The following ST3GAL2 variants were observed in gnomAD, a reference collection of about 807,000 sequenced individuals.
ST3GAL2 encodes the protein CMP-N-acetylneuraminate-beta-galactosamide-alpha-2,3-sialyltransferase 2.
ST3GAL2 carries 16 observed loss-of-function variants against 37.5 expected under a neutral mutation model. That is an observed-to-expected ratio of 0.43 (90% CI 0.29 to 0.65). The LOEUF (loss-of-function observed/expected upper bound fraction) is 0.65. ST3GAL2 is among the 30% of genes least tolerant of loss of function. The pLI is 0.17. For synonymous variants in ST3GAL2, 238 were observed against 202.9 expected, an observed-to-expected ratio of 1.17 and a Z score of -1.47; for missense variants, 383 against 487.8, an observed-to-expected ratio of 0.79 and a Z score of 2.02.
In ST3GAL2 at chr16:70,376,756, T is replaced by G. The variant is rs940913622; in HGVS notation, c.*4933A>C. 1 of 152,140 alleles carries G rather than the reference T, an allele frequency of 6.6e-6. No individual in the cohort carries two copies. Among genetic ancestry groups the G allele is most frequent in the African/African-American group, 2.4e-5 (1 of 41,438 alleles). 9.4% of individuals were successfully genotyped at this position (152,140 alleles called of 1,614,324 possible). ...TGTGGATGGGTAAAATACTTTTTTT[T>G]TTTTGAGACGGAGTCTTACTCTGTC... On this transcript the variant is annotated 3_prime_UTR_variant, in exon 7 of 7. Transcript: ENST00000342907.
In ST3GAL2 at chr16:70,434,760, G is replaced by A. The variant is rs550021156; in HGVS notation, c.-1004+4189C>T. Among the ~76,000 whole-genome samples, 3 of 152,328 alleles carry A rather than the reference G, an allele frequency of 2.0e-5. No homozygotes were observed. The East Asian group carries it at 5.8e-4, about 29-fold the overall frequency. On this transcript the variant is annotated intron_variant, in intron 1 of 6. Transcript: ENST00000342907. ...ACAGCAGCCATAATTCAGGCTATTA[G>A]CAGCAACTGGTTTAGCAGCCACTCC...
intron 1 of ST3GAL2, among the ~76,000 whole-genome samples, chr16:70,426,456 T>G (rs909958901): frequency 6.6e-6 from 1 of 151,786 alleles, no homozygotes; most frequent in Admixed American, 6.6e-5. Context: ...TGCCTCGGCC[T>G]CCCAAAGTGC....
intron 1 of ST3GAL2, among the ~76,000 whole-genome samples, chr16:70,426,773 G>A (rs1226298178): frequency 6.6e-6 from 1 of 152,182 alleles, no homozygotes; most frequent in African/African-American, 2.4e-5. Flanking sequence ...GCCTCCCAAA[G>A]TGTTGGAATT....
intron 1 of ST3GAL2, among the ~76,000 whole-genome samples, chr16:70,403,866 C>T (rs1045735141): frequency 6.6e-6 from 1 of 152,018 alleles, no homozygotes; most frequent in Non-Finnish European, 1.5e-5. Flanking sequence ...TGGCAGGTGC[C>T]TGTAGTCAGT....
intron 1 of ST3GAL2, among the ~76,000 whole-genome samples, chr16:70,430,234 C>G (rs2047780369): frequency 6.6e-6 from 1 of 152,240 alleles, no homozygotes; most frequent in Admixed American, 6.5e-5. Context: ...ACTGCCAGGA[C>G]TGGCAGCATG....
In ST3GAL2 at chr16:70,381,730, G is replaced by A. The variant is rs201236476; in HGVS notation, c.1012C>T (p.Leu338=). ...ADFEAHIIDM[L]AKASKIEVYR... ...ACTTCGATCTTGCTGGCCTTGGCCAGCATGTCGATGATGTGGGCCTCGAAG... is the reference window on the plus strand; with the variant it reads ...ACTTCGATCTTGCTGGCCTTGGCCAACATGTCGATGATGTGGGCCTCGAAG... The change falls in exon 7 of 7, where the codon CTG becomes TTG. Residue 338 remains leucine, a synonymous_variant. Transcript: ENST00000342907. The A allele has an allele frequency of 2.2e-5, 35 of 1,613,954 alleles. No individual in the cohort carries two copies. In the East Asian group the frequency reaches 3.8e-4, roughly 17 times the overall value.
chr16:70,434,678 T>G (rs2047813788), intron 1 of ST3GAL2, among the ~76,000 whole-genome samples: 1 of 152,152 alleles, frequency 6.6e-6, no homozygotes, highest in Non-Finnish European at 1.5e-5. Context: ...CTGTGAGGAT[T>G]CACTAACACC....
intron 1 of ST3GAL2, among the ~76,000 whole-genome samples, chr16:70,432,580 G>A (rs1256549851): frequency 6.6e-6 from 1 of 152,198 alleles, no homozygotes; most frequent in Non-Finnish European, 1.5e-5. Flanking sequence ...GCTGGTTAGG[G>A]ACATAGGCAG....
intron 1 of ST3GAL2, among the ~76,000 whole-genome samples, chr16:70,425,304 A>T (rs1345133801): frequency 6.6e-6 from 1 of 152,118 alleles, no homozygotes; most frequent in Non-Finnish European, 1.5e-5. Context: ...TCTGATAAAG[A>T]TACAAAAATT....
intron 3 of ST3GAL2, 91 bp from the exon 4 acceptor site, chr16:70,388,637 T>G (rs1339808538): frequency 7.1e-7 from 1 of 1,408,716 alleles, no homozygotes; most frequent in African/African-American, 1.4e-5. Flanking sequence ...CCATCAAAAA[T>G]GCAAACGGGT....
chr16:70,410,239 C>CTTTTTTTTTTTTTTTTTT (rs1567672969), intron 1 of ST3GAL2, among the ~76,000 whole-genome samples: 2 of 78,174 alleles, frequency 2.6e-5, no homozygotes, highest in East Asian at 3.0e-4. Flanking sequence ...TCCACCCTCA[C>CTTTTTTTTTTTTTTTTTT]CTTTTTTTTT....
chr16:70,406,465 T>G (rs966233901), intron 1 of ST3GAL2, among the ~76,000 whole-genome samples: 2 of 146,502 alleles, frequency 1.4e-5, no homozygotes, highest in Non-Finnish European at 3.0e-5. Flanking sequence ...GAGCCGAGAT[T>G]ATGCCACTGC....
intron 1 of ST3GAL2, among the ~76,000 whole-genome samples, chr16:70,401,418 A>G (rs2047554170): frequency 6.6e-6 from 1 of 152,182 alleles, no homozygotes; most frequent in Non-Finnish European, 1.5e-5. Flanking sequence ...GAAGTAGAGC[A>G]TCTGGCAAAG....
chr16:70,413,560 CAAA>C (rs978301918), intron 1 of ST3GAL2, among the ~76,000 whole-genome samples: 1 of 32,086 alleles, frequency 3.1e-5, no homozygotes, highest in African/African-American at 5.5e-5. Flanking sequence ...ATCAAAAATA[CAAA>C]AAAAAAAAAA....
chr16:70,400,159 A>T (rs1489547281), intron 1 of ST3GAL2: 1 of 152,322 alleles, frequency 6.6e-6, no homozygotes, highest in Non-Finnish European at 1.5e-5. Flanking sequence ...GTCTACATCC[A>T]TCTGTACATT....
chr16:70,412,876 G>A (rs1337543163), intron 1 of ST3GAL2, among the ~76,000 whole-genome samples: 6 of 151,740 alleles, frequency 4.0e-5, no homozygotes, highest in Admixed American at 6.6e-5. Context: ...GCAAAACCGC[G>A]TCTCTATAAT....
chr16:70,435,877 C>T (rs2047821667), intron 1 of ST3GAL2, among the ~76,000 whole-genome samples: 1 of 151,934 alleles, frequency 6.6e-6, no homozygotes, highest in Admixed American at 6.6e-5. Context: ...CCTCTAATCC[C>T]AACAGTGGGA....
In ST3GAL2 at chr16:70,381,842, C is replaced by G. The variant is rs767950645; in HGVS notation, c.900G>C (p.Gly300=). Residue 300 remains glycine (G), a synonymous_variant, in exon 7 of 7, where the codon GGG becomes GGC. Coordinates refer to ENST00000342907, the MANE Select transcript of ST3GAL2 (RefSeq NM_006927.4). ...VCDEVNVYGF[G]ADSRGNWHHY... ...GGTGCCAGTTGCCCCGGCTGTCGGC[C>G]CCGAACCCGTACACGTTCACCTGCG... 6.2e-7 allele frequency: 1 copy of G among 1,613,798 alleles called. No individual in the cohort carries two copies. The highest frequency in any genetic ancestry group is 8.5e-7 in the Non-Finnish European group (1 of 1,179,940).
At chr16:70,433,922 T>C (rs2047807378) in intron 1 of ST3GAL2, among the ~76,000 whole-genome samples, 1 of 152,216 alleles carries the variant, frequency 6.6e-6, no homozygotes, top group South Asian at 2.1e-4. Context: ...CCTGTTGGCC[T>C]GCACACCCCC....
Sources: gnomAD v4.1 joint callset for allele counts (sites outside exome capture counted in the v4.1 genomes callset) on GRCh38, gnomAD v4.1.1 for gene constraint, MANE v1.5 for transcripts, NCBI Gene and HGNC (gene_info 2026-07-23, HGNC 2026-07-21) for gene names.